The following ASXL1 variants were observed in gnomAD, a reference collection of about 807,000 sequenced individuals.
The protein encoded by ASXL1 is polycomb group protein ASXL1.
ASXL1 carries 65 observed loss-of-function variants against 89.1 expected under a neutral mutation model. The observed-to-expected ratio is 0.73, with a 90% CI of 0.60 to 0.90. ASXL1 has a LOEUF of 0.90. Ranked by LOEUF, ASXL1 falls within the 40% of genes least tolerant of loss-of-function variation. The pLI, the probability that ASXL1 is intolerant of heterozygous loss-of-function variation, is 0.00. For missense variants in ASXL1, 1,786 were observed against 1,942.9 expected, an observed-to-expected ratio of 0.92 and a Z score of 1.52; for synonymous variants, 739 against 746.9, an observed-to-expected ratio of 0.99 and a Z score of 0.17.
rs2123240143 is a variant in ASXL1 at position 32,431,695 on chromosome 20, C to A, written c.979+16C>A. 6.2e-7 allele frequency: 1 copy of A among 1,611,348 alleles called. No homozygotes were observed. Among genetic ancestry groups the A allele is most frequent in the South Asian group, 1.1e-5 (1 of 90,944 alleles). ...CTGGCTGATGGTATGTAGACTTGGT[C>A]ATCTCGGACGGCTTGCGACGCACCT... On this transcript the variant is annotated intron_variant, in intron 10 of 12. Coordinates refer to ENST00000375687, the MANE Select transcript of ASXL1 (RefSeq NM_015338.6).
Position 32,403,787 on chromosome 20 carries a change from C to T in ASXL1, c.253-24341C>T, listed in dbSNP as rs370748015. Reference sequence around the variant, plus strand: ...GTTTCAATAGTAAATGCATTAAACCCATTGGTTAGTTTGGGGAGAAGTGAC... The same window carrying T: ...GTTTCAATAGTAAATGCATTAAACCTATTGGTTAGTTTGGGGAGAAGTGAC... On this transcript the variant is annotated intron_variant, in intron 4 of 12. Coordinates refer to ENST00000375687, the MANE Select transcript of ASXL1 (RefSeq NM_015338.6). Among the ~76,000 whole-genome samples the T allele has an allele frequency of 3.9e-5, 6 of 152,198 alleles. No homozygotes were observed. The East Asian group carries it at 7.7e-4, about 20-fold the overall frequency.
chr20:32,418,184 AT>A (rs754690190), intron 4 of ASXL1, among the ~76,000 whole-genome samples: 4 of 151,850 alleles, frequency 2.6e-5, no homozygotes, highest in Non-Finnish European at 4.4e-5. Flanking sequence ...TATCAAAAAA[AT>A]AATAATAATA....
chr20:32,361,042 C>T (rs906208256), intron 1 of ASXL1, among the ~76,000 whole-genome samples: 1 of 151,966 alleles, frequency 6.6e-6, no homozygotes, highest in Non-Finnish European at 1.5e-5. Context: ...CCACCGCGCC[C>T]AGCCTATGAG....
At chr20:32,394,816 T>A (rs907942958) in intron 4 of ASXL1, among the ~76,000 whole-genome samples, 1 of 151,866 alleles carries the variant, frequency 6.6e-6, no homozygotes, top group African/African-American at 2.4e-5. Context: ...TGGGTTCAAG[T>A]GATTCTTATG....
chr20:32,429,571 G>T lies in ASXL1; in HGVS notation c.565+140G>T. 2.2e-6 allele frequency: 2 copies of T among 908,936 alleles called. No individual in the cohort carries two copies. The highest frequency in any genetic ancestry group is 1.4e-5 in the South Asian group (1 of 71,416). 56.3% of individuals were successfully genotyped at this position (908,936 alleles called of 1,614,324 possible). A position where few individuals can be genotyped will look rare whatever the true frequency, so the allele number is the denominator to read the frequency against. ...GGCAAGAGCCCTGCCAATGGATGAGGCCTGCCATAGGTTCTAGTGCTGGGC... is the reference window on the plus strand; with the variant it reads ...GGCAAGAGCCCTGCCAATGGATGAGTCCTGCCATAGGTTCTAGTGCTGGGC... On this transcript the variant is annotated intron_variant, in intron 7 of 12. Coordinates refer to ENST00000375687, the MANE Select transcript of ASXL1 (RefSeq NM_015338.6). The surrounding 1 kb of genome is among the most constrained non-coding windows in gnomAD (Gnocchi z 4.9).
intron 1 of ASXL1, chr20:32,359,195 T>C (rs914315995): frequency 5.8e-6 from 4 of 694,902 alleles, no homozygotes; most frequent in African/African-American, 3.5e-5. Flanking sequence ...CCCGGGGGAG[T>C]TGGGTTTCCG....
At chr20:32,431,091 G>A (rs962429861) in intron 8 of ASXL1, 13 of 681,560 alleles carry the variant, frequency 1.9e-5, no homozygotes, top group Middle Eastern at 2.4e-4. Context: ...GACACAGCAC[G>A]GTACAGAGTT....
intron 4 of ASXL1, among the ~76,000 whole-genome samples, chr20:32,411,898 A>G (rs1051483330): frequency 6.6e-6 from 1 of 151,998 alleles, no homozygotes; most frequent in African/African-American, 2.4e-5. Flanking sequence ...TTAATGTACA[A>G]ATTGTCGCTG....
At chr20:32,421,866 CTTTTTTTTTTTT>C (rs71299232) in intron 4 of ASXL1, among the ~76,000 whole-genome samples, 1 of 105,254 alleles carries the variant, frequency 9.5e-6, no homozygotes, top group Non-Finnish European at 1.9e-5. Flanking sequence ...GGTTTCTTTT[CTTTTTTTTTTTT>C]TTTTTTTTGA....
intron 4 of ASXL1, among the ~76,000 whole-genome samples, chr20:32,409,721 G>A (rs775430582): frequency 6.6e-6 from 1 of 151,832 alleles, no homozygotes; most frequent in African/African-American, 2.4e-5. Flanking sequence ...CTGTACTCCA[G>A]CCTGGGCAAC....
intron 4 of ASXL1, among the ~76,000 whole-genome samples, chr20:32,420,562 C>T (rs1200982908): frequency 6.6e-6 from 1 of 152,068 alleles, no homozygotes; most frequent in African/African-American, 2.4e-5. Flanking sequence ...ATTTTAGAAA[C>T]ACTTATTTGT....
At position 32,433,448 on chromosome 20, in the gene ASXL1, G is replaced by A. The variant is rs769921728; in HGVS notation, c.1250G>A (p.Arg417Gln). Residue 417 changes from arginine (R) to glutamine (Q), a missense_variant, in exon 12 of 13, where the codon CGA becomes CAA. Arg to Gln is a conservative substitution (Grantham distance 43). This residue lies in a region of ASXL1 where 1,418 missense variants were observed against 1,427.8 expected (regional missense o/e 0.99). Transcript: ENST00000375687. ...AAGAAACGCTCTCGGCCAGATCTCC[G>A]AACCAGAGCCAGAAGGAATCTGTAC... ...HFKKRSRPDL[R>Q]TRARRNLYKK... The A allele has an allele frequency of 5.0e-6, 8 of 1,613,994 alleles. No individual in the cohort carries two copies. Among genetic ancestry groups the A allele is most frequent in the Middle Eastern group, 1.6e-4 (1 of 6,084 alleles).
intron 8 of ASXL1, 185 bp downstream of exon 8, chr20:32,430,238 A>T: frequency 3.7e-6 from 3 of 810,640 alleles, no homozygotes; most frequent in Non-Finnish European, 3.7e-6. Flanking sequence ...CTAAACTGTG[A>T]GAACTCCTTT....
In ASXL1 at chr20:32,375,402, T is replaced by G. The variant is rs942624923; in HGVS notation, c.252+6279T>G. On this transcript the variant is annotated intron_variant, in intron 4 of 12. Transcript: ENST00000375687. ...AGGCAGAGGCTGCAGTGAGCCGAGATGGCACCACTGCACTGTAGCCTGGGT... is the reference window on the plus strand; with the variant it reads ...AGGCAGAGGCTGCAGTGAGCCGAGAGGGCACCACTGCACTGTAGCCTGGGT... Among the ~76,000 whole-genome samples the G allele has an allele frequency of 1.3e-4, 20 of 150,874 alleles. No homozygotes were observed. The Admixed American group carries it at 1.3e-3, about 10-fold the overall frequency.
chr20:32,409,636 G>A (rs2049011778), intron 4 of ASXL1, among the ~76,000 whole-genome samples: 1 of 152,086 alleles, frequency 6.6e-6, no homozygotes, highest in African/African-American at 2.4e-5. Flanking sequence ...CTACTCAGGA[G>A]GCTGAGGTGG....
In ASXL1 at chr20:32,436,782, C is replaced by T. The variant is rs1221149032; in HGVS notation, c.4070C>T (p.Ala1357Val). 1 of 1,614,196 alleles carries T rather than the reference C, an allele frequency of 6.2e-7. No individual in the cohort carries two copies. Among genetic ancestry groups the T allele is most frequent in the African/African-American group, 1.3e-5 (1 of 75,062 alleles). Residue 1357 changes from alanine to valine, a missense_variant, in exon 13 of 13, where the codon GCT becomes GTT. Ala to Val is a moderately conservative substitution (Grantham distance 64, BLOSUM62 0). Coordinates refer to ENST00000375687, the MANE Select transcript of ASXL1 (RefSeq NM_015338.6). ...GGVQTPREDW[A>V]PKPHAFVGSV... The stretch of plus-strand genomic sequence containing the variant: ...GTACAGACTCCAAGGGAAGACTGGG[C>T]TCCAAAGCCACATGCCTTTGTTGGC...
At chr20:32,418,883 A>T (rs2049188169) in intron 4 of ASXL1, among the ~76,000 whole-genome samples, 1 of 121,214 alleles carries the variant, frequency 8.2e-6, no homozygotes. Context: ...CCCAGGCTGG[A>T]ATGCAGTGGC....
intron 4 of ASXL1, among the ~76,000 whole-genome samples, chr20:32,380,093 C>T (rs1338865922): frequency 2.6e-5 from 4 of 151,790 alleles, no homozygotes; most frequent in African/African-American, 9.7e-5. Context: ...ACCAGCCTGG[C>T]CAACACAGTG....
chr20:32,428,403 G>A lies in ASXL1; in HGVS notation c.452G>A (p.Ser151Asn). ...CGACCTCTTTCCAATCCCAGGGACA[G>A]CTACAGAGCTTCCTCACAGGTAAGG... ...QSRPLSNPRD[S>N]YRASSQANKQ... Residue 151 changes from serine (S) to asparagine (N), a missense_variant, in exon 6 of 13, where the codon AGC (serine) becomes AAC (asparagine). Transcript: ENST00000375687. The A allele has an allele frequency of 1.2e-6, 2 of 1,613,516 alleles. No individual in the cohort carries two copies. The highest frequency in any genetic ancestry group is 1.7e-6 in the Non-Finnish European group (2 of 1,179,542).
Sources: gnomAD v4.1 joint callset for allele counts (sites outside exome capture counted in the v4.1 genomes callset) on GRCh38, gnomAD v4.1.1 for gene constraint, gnomAD v4.1.1 regional missense constraint, Gnocchi (gnomAD v3.1) non-coding constraint, MANE v1.5 for transcripts, NCBI Gene and HGNC (gene_info 2026-07-23, HGNC 2026-07-21) for gene names.